The following SP4 variants were observed in gnomAD, a reference collection of about 807,000 sequenced individuals.
SP4 encodes the protein transcription factor Sp4.
Under a neutral mutation model 72.8 loss-of-function variants are expected in SP4, and 19 were observed. The ratio of observed to expected loss-of-function variants is 0.26; its 90% CI spans 0.18 to 0.38. The LOEUF (loss-of-function observed/expected upper bound fraction) is 0.38, where lower values mean the gene tolerates loss of function less well. Ranked by LOEUF, SP4 falls within the 10% of genes least tolerant of loss-of-function variation. The probability of loss-of-function intolerance (pLI) is 1.00; values close to 1 mark genes in which losing one functional copy is unlikely to be tolerated. For missense variants in SP4, 1,008 were observed against 926.3 expected (o/e 1.09, Z -1.14); for synonymous variants, 395 against 333.1 (o/e 1.19, Z -2.02).
intron 3 of SP4, among the ~76,000 whole-genome samples, chr7:21,433,898 G>A (rs980277614): frequency 2.6e-5 from 4 of 151,878 alleles, no homozygotes; most frequent in African/African-American, 7.3e-5. Flanking sequence ...AGCCGAGATC[G>A]CGCCATTGCA....
intron 5 of SP4, among the ~76,000 whole-genome samples, chr7:21,483,359 T>TA (rs1784738187): frequency 6.6e-6 from 1 of 151,972 alleles, no homozygotes; most frequent in Admixed American, 6.5e-5. Context: ...CCTTTTGTCA[T>TA]ATGGAAGTCT....
intron 3 of SP4, among the ~76,000 whole-genome samples, chr7:21,467,026 A>T (rs1396563500): frequency 2.0e-5 from 3 of 152,234 alleles, no homozygotes; most frequent in Non-Finnish European, 2.9e-5. Context: ...AATGAGAGGC[A>T]TAAATGTTAG....
intron 3 of SP4, among the ~76,000 whole-genome samples, chr7:21,471,716 C>G (rs1198360363): frequency 2.0e-5 from 3 of 152,100 alleles, no homozygotes; most frequent in African/African-American, 7.2e-5. Flanking sequence ...CATCTGTAGT[C>G]CCAACTACTC....
intron 5 of SP4, among the ~76,000 whole-genome samples, chr7:21,484,739 T>C (rs1209201113): frequency 1.3e-5 from 2 of 151,902 alleles, no homozygotes; most frequent in Non-Finnish European, 3.0e-5. Context: ...AATTTTCTAC[T>C]TTGTTTGATT....
intron 3 of SP4, among the ~76,000 whole-genome samples, chr7:21,443,070 A>T (rs1163579828): frequency 6.6e-6 from 1 of 152,202 alleles, no homozygotes; most frequent in Non-Finnish European, 1.5e-5. Flanking sequence ...AAAATTGAGA[A>T]TTAGCTCAAG....
At chr7:21,432,657 C>G (rs1782903822) in intron 3 of SP4, among the ~76,000 whole-genome samples, 1 of 152,092 alleles carries the variant, frequency 6.6e-6, no homozygotes, top group Non-Finnish European at 1.5e-5. Context: ...TTGTGGGGGT[C>G]AAGGGATTTG....
intron 3 of SP4, among the ~76,000 whole-genome samples, chr7:21,458,472 C>T (rs1783850562): frequency 6.6e-6 from 1 of 152,184 alleles, no homozygotes; most frequent in South Asian, 2.1e-4. Context: ...CCGTGAGCCA[C>T]TGCGTCCGGC....
intron 5 of SP4, among the ~76,000 whole-genome samples, chr7:21,504,594 C>G (rs1296866974): frequency 1.3e-5 from 2 of 152,162 alleles, no homozygotes; most frequent in Non-Finnish European, 2.9e-5. Context: ...TCTATGATAT[C>G]TAAGCAGTTC....
At chr7:21,493,713 CA>C (rs59933101) in intron 5 of SP4, among the ~76,000 whole-genome samples, 114,966 of 152,096 alleles carry the variant, frequency 0.76, 44,153 homozygotes, top group East Asian at 0.9. Flanking sequence ...AAACTTTTGA[CA>C]AAAGAAAACT....
At chr7:21,450,288 G>C (rs546059089) in intron 3 of SP4, among the ~76,000 whole-genome samples, 1 of 152,192 alleles carries the variant, frequency 6.6e-6, no homozygotes, top group African/African-American at 2.4e-5. Context: ...GCTGACTAGG[G>C]ATATCAATAA....
intron 3 of SP4, among the ~76,000 whole-genome samples, chr7:21,435,279 A>G (rs1783011918): frequency 6.6e-6 from 1 of 152,210 alleles, no homozygotes; most frequent in African/African-American, 2.4e-5. Context: ...CTGACCCTTC[A>G]AGAACTTGAC....
intron 5 of SP4, among the ~76,000 whole-genome samples, chr7:21,483,722 T>TA (rs1428130514): frequency 2.0e-5 from 3 of 151,880 alleles, no homozygotes; most frequent in Non-Finnish European, 4.4e-5. Flanking sequence ...CCAATGCTCT[T>TA]ACTATATTAA....
intron 5 of SP4, among the ~76,000 whole-genome samples, chr7:21,505,429 G>A (rs974321917): frequency 2.6e-5 from 4 of 152,124 alleles, no homozygotes; most frequent in Non-Finnish European, 5.9e-5. Flanking sequence ...GTAACAACTG[G>A]GTTCCCCTGG....
intron 3 of SP4, among the ~76,000 whole-genome samples, chr7:21,456,955 G>T (rs1438827954): frequency 6.6e-6 from 1 of 152,114 alleles, no homozygotes; most frequent in African/African-American, 2.4e-5. Context: ...ATAGTTCTGG[G>T]GGTTGGTTAG....
chr7:21,446,869 G>C (rs560014468), intron 3 of SP4, among the ~76,000 whole-genome samples: 2 of 144,878 alleles, frequency 1.4e-5, no homozygotes, highest in Non-Finnish European at 3.0e-5. Flanking sequence ...AAAATGTTTT[G>C]ACAGATTCTT....
chr7:21,465,702 G>T (rs1784146028), intron 3 of SP4, among the ~76,000 whole-genome samples: 1 of 152,090 alleles, frequency 6.6e-6, no homozygotes, highest in South Asian at 2.1e-4. Flanking sequence ...GCAAGACCTT[G>T]TCACAATAAA....
intron 5 of SP4, among the ~76,000 whole-genome samples, chr7:21,483,185 C>T (rs544681278): frequency 6.6e-6 from 1 of 152,036 alleles, no homozygotes; most frequent in South Asian, 2.1e-4. Context: ...CATGGTTATC[C>T]ATGAGATTAA....
intron 5 of SP4, among the ~76,000 whole-genome samples, chr7:21,497,907 C>T (rs899631332): frequency 3.3e-5 from 5 of 152,192 alleles, no homozygotes; most frequent in Non-Finnish European, 5.9e-5. Flanking sequence ...TTCATGGTCT[C>T]AAATCTCAAC....
At chr7:21,465,342 A>G (rs1433989518) in intron 3 of SP4, among the ~76,000 whole-genome samples, 2 of 152,130 alleles carry the variant, frequency 1.3e-5, no homozygotes. Context: ...TCCAAATAAT[A>G]TCCTAGTGCT....
Sources: gnomAD v4.1 joint callset for allele counts (sites outside exome capture counted in the v4.1 genomes callset) on GRCh38, gnomAD v4.1.1 for gene constraint, MANE v1.5 for transcripts, NCBI Gene and HGNC (gene_info 2026-07-23, HGNC 2026-07-21) for gene names.